Variants in SYK observed in about 807,000 individuals in gnomAD.
SYK encodes tyrosine-protein kinase SYK.
Under a neutral mutation model 77.8 loss-of-function variants are expected in SYK, and 16 were observed. The observed-to-expected ratio is 0.21, with a 90% CI of 0.14 to 0.31. The LOEUF (loss-of-function observed/expected upper bound fraction) is 0.31. SYK is among the 10% of genes least tolerant of loss of function. The pLI, the probability that SYK is intolerant of heterozygous loss-of-function variation, is 1.00. For synonymous variants in SYK, 312 were observed against 308.7 expected (o/e 1.01, Z -0.11); for missense variants, 529 against 814.4 (o/e 0.65, Z 4.26).
intron 1 of SYK, among the ~76,000 whole-genome samples, chr9:90,834,640 G>A (rs2118538343): frequency 6.6e-6 from 1 of 152,346 alleles, no homozygotes; most frequent in South Asian, 2.1e-4. Flanking sequence ...AAAAAGGCTA[G>A]AACAAGCTTA....
Position 90,896,535 on chromosome 9 carries a change from G to A in SYK, c.*935G>A, listed in dbSNP as rs1408219848. The A allele has an allele frequency of 1.3e-5, 3 of 232,962 alleles. No homozygotes were observed. The highest frequency in any genetic ancestry group is 1.8e-4 in the South Asian group (1 of 5,530). 14.4% of individuals were successfully genotyped at this position (232,962 alleles called of 1,614,324 possible). Reference sequence around the variant, plus strand: ...GTCGCTTTCTGTGTCTGCAATGGGGGGCAGCACAGGGATCAAAGCCATCTA... The same window carrying A: ...GTCGCTTTCTGTGTCTGCAATGGGGAGCAGCACAGGGATCAAAGCCATCTA... On this transcript the variant is annotated 3_prime_UTR_variant, in exon 14 of 14. Coordinates refer to ENST00000375754, the MANE Select transcript of SYK (RefSeq NM_003177.7).
intron 1 of SYK, among the ~76,000 whole-genome samples, chr9:90,812,743 G>GTGTGTGTGTGTA (rs775445252): frequency 0.058 from 4,750 of 81,342 alleles, 92 homozygotes; most frequent in Middle Eastern, 0.087. Context: ...CATTTGATAT[G>GTGTGTGTGTGTA]TGTGTGTGTG....
At chr9:90,835,887 G>T (rs2118549486) in intron 1 of SYK, among the ~76,000 whole-genome samples, 1 of 152,330 alleles carries the variant, frequency 6.6e-6, no homozygotes. Flanking sequence ...TTTGAACCAT[G>T]TGGGTTCACT....
chr9:90,887,167 C>T (rs1417467872), intron 11 of SYK, among the ~76,000 whole-genome samples: 1 of 152,300 alleles, frequency 6.6e-6, no homozygotes, highest in East Asian at 1.9e-4. Context: ...AGGTTCCCTG[C>T]CTCCAGGCCC....
chr9:90,833,903 G>A (rs1825979935), intron 1 of SYK, among the ~76,000 whole-genome samples: 1 of 152,354 alleles, frequency 6.6e-6, no homozygotes, highest in African/African-American at 2.4e-5. Flanking sequence ...GAAGACATGA[G>A]GATGCTAGTG....
rs1483535330 is a variant in SYK, at chr9:90,812,753, G to GTA, written c.-42+10861_-42+10862insAT. On this transcript the variant is annotated intron_variant, in intron 1 of 13. Coordinates refer to ENST00000375754, the MANE Select transcript of SYK (RefSeq NM_003177.7). ...CTCCCCATTTGATATGTGTGTGTGT[G>GTA]TGTGTGTGTGTGTGTGTGTGTGTGT... is the stretch of plus-strand genomic sequence containing the variant. 1.6e-4 allele frequency among the ~76,000 whole-genome samples: 14 copies of GTA among 87,922 alleles called. No individual in the cohort carries two copies. In the South Asian group the frequency reaches 2.9e-3, roughly 18 times the overall value. 57.7% of individuals were successfully genotyped at this position (87,922 alleles called of 152,430 possible). A position where few individuals can be genotyped will look rare whatever the true frequency, so the allele number is the denominator to read the frequency against.
At chr9:90,815,809 C>A (rs937530529) in intron 1 of SYK, among the ~76,000 whole-genome samples, 2 of 152,240 alleles carry the variant, frequency 1.3e-5, no homozygotes, top group Non-Finnish European at 2.9e-5. Context: ...TGGGAGCCTG[C>A]GCTGCTGCTC....
At chr9:90,813,871 C>T (rs1349909988) in intron 1 of SYK, among the ~76,000 whole-genome samples, 1 of 152,164 alleles carries the variant, frequency 6.6e-6, no homozygotes, top group African/African-American at 2.4e-5. Context: ...ATAAGCAACA[C>T]ATAGGGGGTG....
At chr9:90,809,604 A>G (rs1272293325) in intron 1 of SYK, among the ~76,000 whole-genome samples, 2 of 152,244 alleles carry the variant, frequency 1.3e-5, no homozygotes, top group African/African-American at 4.8e-5. Flanking sequence ...TGAGAAGTTA[A>G]GCATATACAA....
At chr9:90,877,255 C>G (rs962634766) in intron 9 of SYK, among the ~76,000 whole-genome samples, 1 of 152,168 alleles carries the variant, frequency 6.6e-6, no homozygotes. Flanking sequence ...GTTGCCCAGG[C>G]TGACCTTGAA....
Position 90,890,394 on chromosome 9 carries a change from C to T in SYK, c.1835+1767C>T, listed in dbSNP as rs567925250. On this transcript the variant is annotated intron_variant, in intron 13 of 13. Transcript: ENST00000375754. ...CAGACCGGGGAGGGAAAGCAGTCTA[C>T]GTGATATTCACTGGATGTTCACCAG... Among the ~76,000 whole-genome samples, 7 of 152,300 alleles carry T rather than the reference C, an allele frequency of 4.6e-5. No homozygotes were observed. In the South Asian group the frequency reaches 1.2e-3, roughly 27 times the overall value.
intron 1 of SYK, among the ~76,000 whole-genome samples, chr9:90,837,625 A>T (rs1826133224): frequency 6.6e-6 from 1 of 152,170 alleles, no homozygotes; most frequent in South Asian, 2.1e-4. Flanking sequence ...TGTGATGTGG[A>T]TGGAGAGGTT....
chr9:90,801,653 C>A (rs1826732826), upstream of SYK: 1 of 152,276 alleles, frequency 6.6e-6, no homozygotes, highest in African/African-American at 2.4e-5. Flanking sequence ...GGGCCTCGCC[C>A]GGCGCTTCAG....
At chr9:90,805,766 C>G (rs185945671) in intron 1 of SYK, among the ~76,000 whole-genome samples, 9 of 152,264 alleles carry the variant, frequency 5.9e-5, no homozygotes, top group African/African-American at 1.9e-4. Flanking sequence ...GTTAATTTCT[C>G]TTTTTGTTTA....
At chr9:90,834,501 G>A (rs1564080584) in intron 1 of SYK, among the ~76,000 whole-genome samples, 1 of 152,198 alleles carries the variant, frequency 6.6e-6, no homozygotes, top group East Asian at 1.9e-4. Flanking sequence ...GTGTCCCTGG[G>A]TTTCCTGCTC....
intron 1 of SYK, among the ~76,000 whole-genome samples, chr9:90,815,558 G>C (rs1014211890): frequency 6.6e-6 from 1 of 152,224 alleles, no homozygotes; most frequent in African/African-American, 2.4e-5. Context: ...GTGCAGTCAC[G>C]TGCTGCCCTC....
chr9:90,839,376 C>A (rs1345340763), intron 1 of SYK, among the ~76,000 whole-genome samples: 7 of 152,164 alleles, frequency 4.6e-5, no homozygotes, highest in Admixed American at 4.6e-4. Context: ...TCGGTGCTGA[C>A]ACTGAGTGCA....
intron 12 of SYK, 101 bp from the exon 13 acceptor site, chr9:90,888,414 C>A: frequency 1.2e-6 from 1 of 813,642 alleles, no homozygotes; most frequent in Non-Finnish European, 1.9e-6. Flanking sequence ...TAATTGAAAT[C>A]ATACAATGTG....
chr9:90,866,370 G>T (rs1023666807), intron 6 of SYK, among the ~76,000 whole-genome samples: 1 of 152,256 alleles, frequency 6.6e-6, no homozygotes, highest in Non-Finnish European at 1.5e-5. Context: ...AACAGGGGAG[G>T]CTGTCCAGGG....
Sources: gnomAD v4.1 joint callset for allele counts (sites outside exome capture counted in the v4.1 genomes callset) on GRCh38, gnomAD v4.1.1 for gene constraint, MANE v1.5 for transcripts, NCBI Gene and HGNC (gene_info 2026-07-23, HGNC 2026-07-21) for gene names.